Variants in ROBO2 observed in about 807,000 individuals in gnomAD.
The protein encoded by ROBO2 is roundabout homolog 2.
ROBO2 carries 53 observed loss-of-function variants against 160.8 expected under a neutral mutation model. That is an observed-to-expected ratio of 0.33 (90% CI 0.26 to 0.41). The LOEUF is 0.41. Ranked by LOEUF, ROBO2 falls within the 10% of genes least tolerant of loss-of-function variation. The pLI is 1.00. For synonymous variants in ROBO2, 664 were observed against 611.7 expected (o/e 1.09, Z -1.26); for missense variants, 1,577 against 1,722.4 (o/e 0.92, Z 1.49).
At chr3:76,836,625 T>G (rs750853917) in intron 2 of ROBO2, among the ~76,000 whole-genome samples, 1 of 151,802 alleles carries the variant, frequency 6.6e-6, no homozygotes, top group Admixed American at 6.6e-5. Flanking sequence ...CTTTTGATTT[T>G]TATTTGACCC....
intron 2 of ROBO2, among the ~76,000 whole-genome samples, chr3:76,944,389 AC>A (rs1220298574): frequency 2.0e-5 from 3 of 152,176 alleles, no homozygotes; most frequent in African/African-American, 7.2e-5. Context: ...ACTCCACACT[AC>A]CCAGAATAAA....
In ROBO2 at chr3:75,993,905, A is replaced by G. The variant is rs552713460; in HGVS notation, c.109+56303A>G. On this transcript the variant is annotated intron_variant, in intron 2 of 26. Coordinates refer to the ROBO2 transcript ENST00000487694. ...CTCCCAGACCCAACCCCTCCACCAAAGTTACATTAGGAGCGTGTATGCTGT... is the reference window on the plus strand; with the variant it reads ...CTCCCAGACCCAACCCCTCCACCAAGGTTACATTAGGAGCGTGTATGCTGT... Among the ~76,000 whole-genome samples, 10 of 152,236 alleles carry G rather than the reference A, an allele frequency of 6.6e-5. No homozygotes were observed. In the East Asian group the frequency reaches 1.7e-3, roughly 26 times the overall value.
chr3:77,532,194 A>C (rs1257427333), intron 6 of ROBO2, among the ~76,000 whole-genome samples: 1 of 151,926 alleles, frequency 6.6e-6, no homozygotes, highest in African/African-American at 2.4e-5. Context: ...CTGGGTCTTA[A>C]ATTACTCTCA....
At chr3:76,292,967 T>G (rs1429306845) in intron 2 of ROBO2, among the ~76,000 whole-genome samples, 1 of 151,936 alleles carries the variant, frequency 6.6e-6, no homozygotes, top group African/African-American at 2.4e-5. Flanking sequence ...ACTAGGGTTT[T>G]TTTTTTTTTA....
At chr3:76,496,869 A>AGACTTGT (rs2080178098) in intron 2 of ROBO2, among the ~76,000 whole-genome samples, 1 of 152,188 alleles carries the variant, frequency 6.6e-6, no homozygotes, top group East Asian at 1.9e-4. Context: ...ATATTGCAAT[A>AGACTTGT]GACTTGTGGC....
At chr3:76,639,660 C>T (rs1256470323) in intron 2 of ROBO2, among the ~76,000 whole-genome samples, 1 of 152,062 alleles carries the variant, frequency 6.6e-6, no homozygotes, top group African/African-American at 2.4e-5. Context: ...AAGAATCATG[C>T]AGAGGTTGGT....
intron 2 of ROBO2, among the ~76,000 whole-genome samples, chr3:77,382,346 CTTT>C (rs58518864): frequency 1.3e-3 from 170 of 135,074 alleles, no homozygotes; most frequent in African/African-American, 3.4e-3. Flanking sequence ...AACACATGTC[CTTT>C]TTTTTTTTTT....
chr3:76,660,911 C>T (rs2091788835), intron 2 of ROBO2, among the ~76,000 whole-genome samples: 1 of 151,704 alleles, frequency 6.6e-6, no homozygotes, highest in African/African-American at 2.4e-5. Flanking sequence ...TGTATGTAGC[C>T]TATATATCTA....
intron 18 of ROBO2, among the ~76,000 whole-genome samples, chr3:77,596,059 TA>T (rs919657558): frequency 6.6e-6 from 1 of 151,816 alleles, no homozygotes; most frequent in African/African-American, 2.4e-5. Flanking sequence ...TTATTACCTT[TA>T]AAAAAAACCC....
chr3:76,129,603 A>T (rs1030166756), intron 2 of ROBO2, among the ~76,000 whole-genome samples: 2 of 152,102 alleles, frequency 1.3e-5, no homozygotes, highest in African/African-American at 4.8e-5. Context: ...AAAATGATTC[A>T]ACATCCCCAC....
At chr3:76,637,954 AAATTT>A (rs2090430327) in intron 2 of ROBO2, among the ~76,000 whole-genome samples, 3 of 152,210 alleles carry the variant, frequency 2.0e-5, no homozygotes, top group Non-Finnish European at 4.4e-5. Flanking sequence ...TAATTGTAAA[AAATTT>A]AATTCAGATG....
At chr3:77,191,223 T>G (rs1328587511) in intron 2 of ROBO2, among the ~76,000 whole-genome samples, 1 of 152,144 alleles carries the variant, frequency 6.6e-6, no homozygotes, top group African/African-American at 2.4e-5. Context: ...TCGAGTATAT[T>G]ATTTCATTTA....
At chr3:76,326,571 T>C (rs1419028219) in intron 2 of ROBO2, among the ~76,000 whole-genome samples, 2 of 152,170 alleles carry the variant, frequency 1.3e-5, no homozygotes, top group Non-Finnish European at 2.9e-5. Flanking sequence ...ATATACCGAA[T>C]GAAAAATTTA....
intron 2 of ROBO2, among the ~76,000 whole-genome samples, chr3:76,414,637 G>A (rs1472741586): frequency 8.8e-6 from 1 of 113,370 alleles, no homozygotes; most frequent in East Asian, 3.1e-4. Context: ...GAGGGGGGAG[G>A]GATAGCATTG....
chr3:77,053,811 C>A (rs572262885), intron 1 of ROBO2, among the ~76,000 whole-genome samples: 1 of 152,162 alleles, frequency 6.6e-6, no homozygotes, highest in South Asian at 2.1e-4. Flanking sequence ...ATCTAGAAAT[C>A]TAACTAGAGG....
At chr3:77,201,791 G>A (rs1336498988) in intron 2 of ROBO2, among the ~76,000 whole-genome samples, 1 of 151,898 alleles carries the variant, frequency 6.6e-6, no homozygotes, top group Non-Finnish European at 1.5e-5. Context: ...TTCCATGAGG[G>A]GAAAAAACAC....
upstream of ROBO2, among the ~76,000 whole-genome samples, chr3:77,037,401 C>T (rs2063702728): frequency 6.6e-6 from 1 of 152,116 alleles, no homozygotes; most frequent in Non-Finnish European, 1.5e-5. Context: ...AAAAATGGCA[C>T]CAGTCTAAAA....
At chr3:76,331,086 T>C (rs927817405) in intron 2 of ROBO2, among the ~76,000 whole-genome samples, 13 of 152,296 alleles carry the variant, frequency 8.5e-5, no homozygotes, top group African/African-American at 3.1e-4. Flanking sequence ...ATGGAATAAC[T>C]AAGATATAGA....
intron 9 of ROBO2, among the ~76,000 whole-genome samples, chr3:77,559,996 G>A (rs527745799): frequency 6.6e-6 from 1 of 152,194 alleles, no homozygotes; most frequent in Non-Finnish European, 1.5e-5. Context: ...AACTCTCTTT[G>A]TGTAAACACT....
Sources: allele counts gnomAD v4.1 joint callset (sites outside exome capture counted in the v4.1 genomes callset), GRCh38; gene constraint gnomAD v4.1.1; transcripts MANE v1.5; gene names NCBI Gene and HGNC (gene_info 2026-07-23, HGNC 2026-07-21).